Variants in TP73 observed in about 807,000 individuals in gnomAD.
TP73 encodes the protein tumor protein p73.
TP73 carries 25 observed loss-of-function variants against 62.5 expected under a neutral mutation model. That is an observed-to-expected ratio of 0.40 (90% CI 0.29 to 0.56). TP73 has a LOEUF of 0.56. TP73 is among the 20% of genes least tolerant of loss of function. The pLI, the probability that TP73 is intolerant of heterozygous loss-of-function variation, is 0.46. For missense variants in TP73, 754 were observed against 913.3 expected, an observed-to-expected ratio of 0.83 and a Z score of 2.25; for synonymous variants, 423 against 377.5, an observed-to-expected ratio of 1.12 and a Z score of -1.40.
rs549692852 is a variant in TP73 at position 3,673,906 on chromosome 1, AGCCGG to A, written c.-33-8423_-33-8419del. 3.3e-5 allele frequency among the ~76,000 whole-genome samples: 5 copies of A among 152,230 alleles called. No homozygotes were observed. In the South Asian group the frequency reaches 1.0e-3, roughly 32 times the overall value. ...GAACACGGACTGGGGAGGGGATTGC[AGCCGG>A]GCCCGTGCCTCCCTTGCTCAGCTCC... On this transcript the variant is annotated intron_variant, in intron 1 of 13. Transcript: ENST00000378295.
chr1:3,698,997 C>T (rs538745395), intron 3 of TP73, among the ~76,000 whole-genome samples: 9 of 151,736 alleles, frequency 5.9e-5, no homozygotes, highest in African/African-American at 1.7e-4. Context: ...GGCCCTGGCA[C>T]GGGATTGGGC....
rs915619629 is a variant in TP73 at position 3,688,458 on chromosome 1, T to C, written c.186+5278T>C. Among the ~76,000 whole-genome samples the C allele has an allele frequency of 2.0e-5, 3 of 152,242 alleles. No individual in the cohort carries two copies. In the East Asian group the frequency reaches 5.8e-4, roughly 29 times the overall value. On this transcript the variant is annotated intron_variant, in intron 3 of 13. Transcript: ENST00000378295. Reference sequence around the variant, plus strand: ...CTCCCACTAACTGGTTCCTGAAGAGTGCCGTGGCCTGCGGCAGCGTCGTTC... The same window carrying C: ...CTCCCACTAACTGGTTCCTGAAGAGCGCCGTGGCCTGCGGCAGCGTCGTTC...
intron 4 of TP73, among the ~76,000 whole-genome samples, chr1:3,713,950 A>G (rs1016042492): frequency 1.3e-5 from 2 of 152,114 alleles, no homozygotes; most frequent in African/African-American, 4.8e-5. Flanking sequence ...GTCAGAGCCC[A>G]TGGGGAAACC....
At chr1:3,713,536 G>A (rs753863524) in intron 4 of TP73, among the ~76,000 whole-genome samples, 9 of 152,310 alleles carry the variant, frequency 5.9e-5, no homozygotes, top group Non-Finnish European at 1.2e-4. Flanking sequence ...TTTGCTTCCC[G>A]GTCTGGTGGG....
At chr1:3,700,335 A>ATCTG (rs1639053810) in intron 3 of TP73, among the ~76,000 whole-genome samples, 1 of 152,024 alleles carries the variant, frequency 6.6e-6, no homozygotes, top group Non-Finnish European at 1.5e-5. Context: ...ACAGTACCAC[A>ATCTG]TCTGTCCCCT....
intron 4 of TP73, among the ~76,000 whole-genome samples, chr1:3,718,702 A>G (rs1022231557): frequency 2.0e-5 from 3 of 151,882 alleles, no homozygotes; most frequent in African/African-American, 7.3e-5. Context: ...TCTGTGTCCA[A>G]CTGGCTGAGG....
Position 3,701,782 on chromosome 1 carries a change from G to C in TP73, c.187-5767G>C, listed in dbSNP as rs2124349854. Among the ~76,000 whole-genome samples, 1 of 152,224 alleles carries C rather than the reference G, an allele frequency of 6.6e-6. No homozygotes were observed. Among genetic ancestry groups the C allele is most frequent in the East Asian group, 1.9e-4 (1 of 5,170 alleles). ...CCTCGTCCTCCCAAATTGCTGGGAT[G>C]ACAGGCATGAGCCACCACGCCTGGC... On this transcript the variant is annotated intron_variant, in intron 3 of 13. Transcript: ENST00000378295. The surrounding 1 kb of genome is among the most constrained non-coding windows in gnomAD (Gnocchi z 4.7).
intron 8 of TP73, among the ~76,000 whole-genome samples, 163 bp downstream of exon 8, chr1:3,727,933 C>T (rs1375547260): frequency 6.6e-6 from 1 of 152,192 alleles, no homozygotes; most frequent in South Asian, 2.1e-4. Flanking sequence ...CCATATAAGT[C>T]GCTTGTCCTG....
rs1458634166 is a variant in TP73, at chr1:3,666,588, C to A, written c.-34+13947C>A. Reference sequence around the variant, plus strand: ...GGGCGGGGGGCTTTTAATGGTCCCTCTGCTGGCTCCCTCCCCACCACCTCC... The same window carrying A: ...GGGCGGGGGGCTTTTAATGGTCCCTATGCTGGCTCCCTCCCCACCACCTCC... On this transcript the variant is annotated intron_variant, in intron 1 of 13. Transcript: ENST00000378295. This position sits in a 1 kb window ranked among gnomAD's most constrained non-coding sequence, Gnocchi z 6.4. 6.6e-6 allele frequency among the ~76,000 whole-genome samples: 1 copy of A among 152,106 alleles called. No homozygotes were observed. Among genetic ancestry groups the A allele is most frequent in the Non-Finnish European group, 1.5e-5 (1 of 68,022 alleles).
At chr1:3,679,465 G>C (rs1044531976) in intron 1 of TP73, among the ~76,000 whole-genome samples, 2 of 151,852 alleles carry the variant, frequency 1.3e-5, no homozygotes, top group African/African-American at 4.8e-5. Flanking sequence ...GTCTGTCTCT[G>C]TCTCCCTGTC....
chr1:3,678,321 G>C (rs540059024), intron 1 of TP73, among the ~76,000 whole-genome samples: 26 of 152,324 alleles, frequency 1.7e-4, no homozygotes, highest in Admixed American at 7.2e-4. Flanking sequence ...AGGCGGCTGT[G>C]GGCAGAGGGC....
chr1:3,725,186 C>T (rs973149682), intron 6 of TP73, among the ~76,000 whole-genome samples: 6 of 152,104 alleles, frequency 3.9e-5, no homozygotes, highest in Non-Finnish European at 8.8e-5. Context: ...TCTGTGCAGG[C>T]ACACTCACAC....
chr1:3,678,637 G>A (rs975458569), intron 1 of TP73, among the ~76,000 whole-genome samples: 1 of 152,230 alleles, frequency 6.6e-6, no homozygotes, highest in Non-Finnish European at 1.5e-5. Context: ...GGCTAATGAG[G>A]AACCCGATTC....
At chr1:3,715,921 C>T (rs923555381) in intron 4 of TP73, among the ~76,000 whole-genome samples, 3 of 152,134 alleles carry the variant, frequency 2.0e-5, no homozygotes, top group Non-Finnish European at 2.9e-5. Flanking sequence ...GGACGAGGAT[C>T]GAGCAGGCTC....
chr1:3,699,447 C>T lies in TP73; in HGVS notation c.187-8102C>T, dbSNP rs892996898. 2.0e-5 allele frequency among the ~76,000 whole-genome samples: 3 copies of T among 152,222 alleles called. No individual in the cohort carries two copies. Among genetic ancestry groups the T allele is most frequent in the Non-Finnish European group, 2.9e-5 (2 of 68,042 alleles). ...CTCCTTGTTCTACAAGAGCTGGGGT[C>T]ACAGCTCAGAGCCCCTGTCCAGGCT... On this transcript the variant is annotated intron_variant, in intron 3 of 13. Transcript: ENST00000378295. This position sits in a 1 kb window ranked among gnomAD's most constrained non-coding sequence, Gnocchi z 4.1.
At chr1:3,730,579 C>T (rs751278719) in intron 11 of TP73, among the ~76,000 whole-genome samples, 1 of 152,170 alleles carries the variant, frequency 6.6e-6, no homozygotes, top group Non-Finnish European at 1.5e-5. Context: ...CTGGAAGGTC[C>T]TCATGTGGGC....
chr1:3,679,306 G>A (rs1645451955), intron 1 of TP73, among the ~76,000 whole-genome samples: 1 of 152,218 alleles, frequency 6.6e-6, no homozygotes, highest in Non-Finnish European at 1.5e-5. Context: ...GTTCCTGTGA[G>A]CCCTGAGCCC....
At chr1:3,707,964 A>C in intron 4 of TP73, 173 bp downstream of exon 4, 1 of 1,098,428 alleles carries the variant, frequency 9.1e-7, no homozygotes, top group Non-Finnish European at 1.3e-6. Context: ...AGGGCCGGGC[A>C]GTCTGGGTGT....
At position 3,722,295 on chromosome 1, in the gene TP73, T is replaced by A. The variant is rs1641135470; in HGVS notation, c.616+88T>A. The A allele has an allele frequency of 9.4e-6, 14 of 1,486,654 alleles. No individual in the cohort carries two copies. The South Asian group carries it at 1.4e-4, about 15-fold the overall frequency. The allele number at this position is 1,486,654 out of a possible 1,614,324, so 92.1% of individuals were successfully genotyped here. ...CGGGGGCTGCCTAACTGGGAGAGAG[T>A]GGGGCTGACAGCATGGGCTTAGCCA... On this transcript the variant is annotated intron_variant, in intron 5 of 13. Coordinates refer to ENST00000378295, the MANE Select transcript of TP73 (RefSeq NM_005427.4).
Sources: gnomAD v4.1 joint callset for allele counts (sites outside exome capture counted in the v4.1 genomes callset) on GRCh38, gnomAD v4.1.1 for gene constraint, Gnocchi (gnomAD v3.1) non-coding constraint, MANE v1.5 for transcripts, NCBI Gene and HGNC (gene_info 2026-07-23, HGNC 2026-07-21) for gene names.